GRID2IP: variants seen among roughly 807,000 people sequenced by gnomAD.
GRID2IP encodes the protein Grid2 interacting protein, also known as delphilin.
In GRID2IP, 78 loss-of-function variants were observed where a neutral mutation model predicts 114.3. The ratio of observed to expected loss-of-function variants is 0.68; its 90% confidence interval spans 0.57 to 0.82. The LOEUF is 0.82. Among genes scored for constraint, GRID2IP ranks in the 40% least tolerant of loss-of-function variants. The pLI is 0.00. For synonymous variants in GRID2IP, 809 were observed against 724.0 expected, an observed-to-expected ratio of 1.12 and a Z score of -1.89; for missense variants, 1,727 against 1,678.5, an observed-to-expected ratio of 1.03 and a Z score of -0.51.
intron 1 of GRID2IP, among the ~76,000 whole-genome samples, chr7:6,548,336 C>A (rs1275641176): frequency 1.3e-5 from 2 of 151,812 alleles, no homozygotes; most frequent in Non-Finnish European, 2.9e-5. Flanking sequence ...GGCAACAGAG[C>A]GAGACTCTGG....
chr7:6,498,939 G>T (rs1786338088), intron 20 of GRID2IP, among the ~76,000 whole-genome samples: 1 of 152,068 alleles, frequency 6.6e-6, no homozygotes, highest in African/African-American at 2.4e-5. Flanking sequence ...TTGTTCATAA[G>T]TTCATTTCCT....
rs1427611548 is a variant in GRID2IP at position 6,511,003 on chromosome 7, G to A, written c.1460C>T (p.Pro487Leu). ...PEPELDLESE[P>L]TPEPQPRSSL... ...GCTCCGCGGCTGGGGCTCAGGCGTG[G>A]GCTCGGACTCCAGGTCCAGCTCAGG... The change falls in exon 9 of 22, where the codon CCC becomes CTC. Residue 487 changes from proline to leucine, a missense_variant. Transcript: ENST00000457091. 1 of 1,514,860 alleles carries A rather than the reference G, an allele frequency of 6.6e-7. No homozygotes were observed. Among genetic ancestry groups the A allele is most frequent in the Non-Finnish European group, 8.8e-7 (1 of 1,130,986 alleles). 93.8% of individuals were successfully genotyped at this position (1,514,860 alleles called of 1,614,324 possible). A position where few individuals can be genotyped will look rare whatever the true frequency, so the allele number is the denominator to read the frequency against.
At chr7:6,499,257 A>G (rs868344643) in intron 20 of GRID2IP, among the ~76,000 whole-genome samples, 6 of 152,128 alleles carry the variant, frequency 3.9e-5, no homozygotes, top group South Asian at 2.1e-4. Flanking sequence ...TCAATTAATG[A>G]CCACTGTGGT....
At position 6,509,655 on chromosome 7, in the gene GRID2IP, CG is replaced by C; in HGVS notation, c.1772-343del. Among the ~76,000 whole-genome samples the C allele has an allele frequency of 6.6e-6, 1 of 152,272 alleles. No individual in the cohort carries two copies. Among genetic ancestry groups the C allele is most frequent in the South Asian group, 2.1e-4 (1 of 4,832 alleles). The stretch of plus-strand genomic sequence containing the variant: ...AGAGCCACAGTCATGGAGCGTCTCG[CG>C]CACCCAGCAAGCCCTGAGATCACAG... On this transcript the variant is annotated intron_variant, in intron 11 of 21. Transcript: ENST00000457091. This position sits in a 1 kb window ranked among gnomAD's most constrained non-coding sequence, Gnocchi z 4.9.
chr7:6,513,386 C>CT (rs34015103), intron 8 of GRID2IP, among the ~76,000 whole-genome samples: 74,641 of 144,578 alleles, frequency 0.52, 19,481 homozygotes, highest in African/African-American at 0.57. Flanking sequence ...TAAATTAAAA[C>CT]TTTTTTTTTT....
chr7:6,517,845 G>A (rs915219089), intron 7 of GRID2IP, among the ~76,000 whole-genome samples: 10 of 152,022 alleles, frequency 6.6e-5, no homozygotes, highest in Non-Finnish European at 1.0e-4. Context: ...AGAGGTTGAA[G>A]TGAGCCAAGA....
At position 6,509,864 on chromosome 7, in the gene GRID2IP, G is replaced by A. The variant is rs937822844; in HGVS notation, c.1771+419C>T. Reference sequence around the variant, plus strand: ...CTTTTTTAAGACAGGGTCTTACTCTGTTGCTTATAGGCTAGAGTGCAGTGG... The same window carrying A: ...CTTTTTTAAGACAGGGTCTTACTCTATTGCTTATAGGCTAGAGTGCAGTGG... On this transcript the variant is annotated intron_variant, in intron 11 of 21. Transcript: ENST00000457091. The surrounding 1 kb of genome is among the most constrained non-coding windows in gnomAD (Gnocchi z 4.9). 3.3e-5 allele frequency among the ~76,000 whole-genome samples: 5 copies of A among 152,204 alleles called. No homozygotes were observed. Among genetic ancestry groups the A allele is most frequent in the Non-Finnish European group, 5.9e-5 (4 of 68,032 alleles).
chr7:6,527,771 T>TTA (rs1305997039), intron 2 of GRID2IP, among the ~76,000 whole-genome samples: 1 of 151,558 alleles, frequency 6.6e-6, no homozygotes, highest in Non-Finnish European at 1.5e-5. Context: ...TTTTTTTTTT[T>TTA]TTTTTCAGAC....
chr7:6,527,331 AGCTCTTGCCCAG>A lies in GRID2IP; in HGVS notation c.585-574_585-563del, dbSNP rs1045024536. On this transcript the variant is annotated intron_variant, in intron 2 of 21. Coordinates refer to ENST00000457091, the MANE Select transcript of GRID2IP (RefSeq NM_001145118.2). ...TCTGCCACCTTCAGTCCTATCTCTA[AGCTCTTGCCCAG>A]GCTCTTGCCCAGGTCCACTCCTTTG... 1.4e-4 allele frequency among the ~76,000 whole-genome samples: 22 copies of A among 152,234 alleles called. No individual in the cohort carries two copies. The East Asian group carries it at 2.1e-3, about 15-fold the overall frequency.
At chr7:6,548,969 G>A (rs1335078949) in intron 1 of GRID2IP, among the ~76,000 whole-genome samples, 3 of 152,008 alleles carry the variant, frequency 2.0e-5, no homozygotes, top group African/African-American at 4.8e-5. Context: ...TCTTGGCTCC[G>A]GACTATTTCC....
chr7:6,503,917 A>C (rs1786495476), intron 15 of GRID2IP, among the ~76,000 whole-genome samples: 1 of 148,470 alleles, frequency 6.7e-6, no homozygotes. Flanking sequence ...GGCCTGGGCT[A>C]AGGGGAAGAA....
Position 6,506,269 on chromosome 7 carries a change from G to A in GRID2IP, c.2545-362C>T, listed in dbSNP as rs1477294705. 2.0e-5 allele frequency among the ~76,000 whole-genome samples: 3 copies of A among 152,238 alleles called. No homozygotes were observed. The highest frequency in any genetic ancestry group is 4.4e-5 in the Non-Finnish European group (3 of 68,046). On this transcript the variant is annotated intron_variant, in intron 13 of 21. Coordinates refer to ENST00000457091, the MANE Select transcript of GRID2IP (RefSeq NM_001145118.2). The surrounding 1 kb of genome is among the most constrained non-coding windows in gnomAD (Gnocchi z 5.2). ...CTCTGTCATCAGGTCTCCTTGGAGA[G>A]CGGTGAGTTCACCAGGGCTGCCCTG...
intron 16 of GRID2IP, 60 bp from the exon 17 acceptor site, chr7:6,503,223 G>GCCCCCCCC: frequency 1.3e-6 from 1 of 773,556 alleles, no homozygotes; most frequent in Non-Finnish European, 1.9e-6. Context: ...CTGCCCCACC[G>GCCCCCCCC]CAGGCTTTGG....
chr7:6,531,294 C>T (rs746692933), intron 2 of GRID2IP: 3 of 400,722 alleles, frequency 7.5e-6, no homozygotes, highest in Middle Eastern at 6.3e-4. Context: ...AGCCCCGCCT[C>T]TGCCCTGCTG....
chr7:6,515,417 C>A (rs1353957595), intron 7 of GRID2IP, among the ~76,000 whole-genome samples: 1 of 150,660 alleles, frequency 6.6e-6, no homozygotes, highest in South Asian at 2.1e-4. Context: ...GCTGAGATTG[C>A]GCCACTGCAC....
chr7:6,533,944 C>T (rs1008051215), intron 2 of GRID2IP, among the ~76,000 whole-genome samples: 2 of 152,104 alleles, frequency 1.3e-5, no homozygotes, highest in African/African-American at 4.8e-5. Context: ...ACCACTGCAC[C>T]CAGTCCCAAT....
intron 2 of GRID2IP, 23 bp downstream of exon 2, chr7:6,539,695 A>C (rs779903919): frequency 6.5e-7 from 1 of 1,536,490 alleles, no homozygotes; most frequent in Non-Finnish European, 8.8e-7. Context: ...CTGCCTGTCT[A>C]TCCTGCCCCC....
chr7:6,502,116 C>T lies in GRID2IP; in HGVS notation c.3153G>A (p.Leu1051=). ...TCCCATCCACTGTCTTGGTGGAGTT[C>T]AGCTGCAAGTGACCCCCAATATACA... ...TGFKINFLTE[L]NSTKTVDGKS... is the part of the protein sequence containing the mutation. The change falls in exon 19 of 22, where the codon CTG becomes CTA. Residue 1051 remains leucine (L), a splice_region_variant and synonymous_variant. Coordinates refer to ENST00000457091, the MANE Select transcript of GRID2IP (RefSeq NM_001145118.2). 2 of 1,551,222 alleles carry T rather than the reference C, an allele frequency of 1.3e-6. No individual in the cohort carries two copies. The highest frequency in any genetic ancestry group is 1.7e-6 in the Non-Finnish European group (2 of 1,146,830).
chr7:6,517,327 G>T (rs563211684), intron 7 of GRID2IP, among the ~76,000 whole-genome samples: 1 of 151,820 alleles, frequency 6.6e-6, no homozygotes, highest in Admixed American at 6.6e-5. Flanking sequence ...AAGGTGCTGG[G>T]ATTACAGGCA....
Sources: allele counts gnomAD v4.1 joint callset (sites outside exome capture counted in the v4.1 genomes callset), GRCh38; gene constraint gnomAD v4.1.1; non-coding constraint Gnocchi (gnomAD v3.1); transcripts MANE v1.5; gene names NCBI Gene and HGNC (gene_info 2026-07-23, HGNC 2026-07-21).